Variants in GALNT8 observed in about 807,000 individuals in gnomAD.
The protein encoded by GALNT8 is probable polypeptide N-acetylgalactosaminyltransferase 8.
A neutral mutation model predicts 62.7 loss-of-function variants in GALNT8; 66 were observed. The observed-to-expected ratio is 1.05, with a 90% CI of 0.86 to 1.29. The LOEUF is 1.29. Among genes scored for constraint, GALNT8 ranks in the 50% most tolerant of loss-of-function variants. GALNT8 has a pLI of 0.00. For missense variants in GALNT8, 771 were observed against 791.8 expected (o/e 0.97, Z 0.32); for synonymous variants, 288 against 294.3 (o/e 0.98, Z 0.22).
chr12:4,752,424 A>C lies in GALNT8; in HGVS notation c.1173+6166A>C, dbSNP rs147248915. On this transcript the variant is annotated intron_variant, in intron 6 of 10. Coordinates refer to ENST00000252318, the MANE Select transcript of GALNT8 (RefSeq NM_017417.2). Reference sequence around the variant, plus strand: ...TTTTATTTTTTTGTGTATCTGTTGTATGTTTTTTGGTTTGGGGTTTTCATG... The same window carrying C: ...TTTTATTTTTTTGTGTATCTGTTGTCTGTTTTTTGGTTTGGGGTTTTCATG... 9.9e-3 allele frequency among the ~76,000 whole-genome samples: 1,458 copies of C among 147,544 alleles called. 21 individuals carry two copies. Among genetic ancestry groups the C allele is most frequent in the African/African-American group, 0.033 (1,342 of 40,180 alleles).
chr12:4,729,291 T>C (rs1946210602), intron 2 of GALNT8, among the ~76,000 whole-genome samples: 1 of 152,218 alleles, frequency 6.6e-6, no homozygotes, highest in African/African-American at 2.4e-5. Flanking sequence ...ACTTAACATC[T>C]AGTCTCTTAG....
intron 6 of GALNT8, among the ~76,000 whole-genome samples, chr12:4,759,754 G>A (rs183204015): frequency 1.4e-3 from 217 of 152,216 alleles, no homozygotes; most frequent in African/African-American, 5.0e-3. Context: ...TGGCATGAGC[G>A]TGGTAGGTTG....
At chr12:4,739,741 T>A (rs905471744) in intron 3 of GALNT8, among the ~76,000 whole-genome samples, 2 of 150,834 alleles carry the variant, frequency 1.3e-5, no homozygotes, top group African/African-American at 4.9e-5. Flanking sequence ...CTCGGCTCAC[T>A]GCAAGCTCTG....
intron 3 of GALNT8, among the ~76,000 whole-genome samples, chr12:4,744,143 G>C (rs908001102): frequency 6.6e-6 from 1 of 152,204 alleles, no homozygotes; most frequent in African/African-American, 2.4e-5. Flanking sequence ...TAGCTATGAA[G>C]ATGTTCCAGG....
intron 6 of GALNT8, among the ~76,000 whole-genome samples, chr12:4,754,615 G>C (rs987330147): frequency 3.9e-5 from 6 of 152,074 alleles, no homozygotes; most frequent in Non-Finnish European, 5.9e-5. Flanking sequence ...CTGGCCCAGA[G>C]CAGGTCCAGA....
intron 6 of GALNT8, among the ~76,000 whole-genome samples, chr12:4,753,879 T>C (rs1946332762): frequency 6.6e-6 from 1 of 152,226 alleles, no homozygotes; most frequent in Non-Finnish European, 1.5e-5. Flanking sequence ...TGGTCTAAGC[T>C]GTACCTGCTT....
intron 6 of GALNT8, 40 bp downstream of exon 6, chr12:4,746,298 AG>A (rs1565385918): frequency 8.9e-7 from 1 of 1,121,136 alleles, no homozygotes; most frequent in East Asian, 2.3e-5. Context: ...CAAAGCAGAA[AG>A]GGGAATAATA....
chr12:4,724,763 G>A (rs1274371910), intron 1 of GALNT8, among the ~76,000 whole-genome samples: 1 of 152,150 alleles, frequency 6.6e-6, no homozygotes, highest in Non-Finnish European at 1.5e-5. Context: ...CACTTGAAGA[G>A]GTGATTCTCT....
At chr12:4,721,464 T>C (rs1356685529) in intron 1 of GALNT8, among the ~76,000 whole-genome samples, 1 of 151,998 alleles carries the variant, frequency 6.6e-6, no homozygotes, top group Admixed American at 6.5e-5. Flanking sequence ...AGGATAATAG[T>C]GGAGAGAAGG....
intron 6 of GALNT8, 80 bp downstream of exon 6, chr12:4,746,338 G>C (rs1377791198): frequency 1.5e-5 from 12 of 823,498 alleles, no homozygotes; most frequent in Non-Finnish European, 2.3e-5. Context: ...TGGAATCCTA[G>C]AACAAGGCTG....
chr12:4,724,505 C>T (rs191576551), intron 1 of GALNT8, among the ~76,000 whole-genome samples: 228 of 152,276 alleles, frequency 1.5e-3, no homozygotes, highest in African/African-American at 5.1e-3. Flanking sequence ...AATCAGATAT[C>T]CCCCCAAGGA....
At chr12:4,743,492 T>C (rs899298494) in intron 3 of GALNT8, among the ~76,000 whole-genome samples, 2 of 152,214 alleles carry the variant, frequency 1.3e-5, no homozygotes, top group Non-Finnish European at 2.9e-5. Flanking sequence ...CTCACAAATA[T>C]GCTCGTCTTT....
chr12:4,772,362 C>A, intron 10 of GALNT8, 83 bp from the exon 11 acceptor site: 1 of 1,246,354 alleles, frequency 8.0e-7, no homozygotes, highest in Non-Finnish European at 1.1e-6. Flanking sequence ...TGTGGCTGAG[C>A]ACAGCAGGGA....
chr12:4,726,405 A>G lies in GALNT8; in HGVS notation c.212-127A>G. The G allele has an allele frequency of 1.5e-6, 1 of 667,368 alleles. No individual in the cohort carries two copies. The highest frequency in any genetic ancestry group is 2.5e-6 in the Non-Finnish European group (1 of 393,932). 41.3% of individuals were successfully genotyped at this position (667,368 alleles called of 1,614,324 possible). On this transcript the variant is annotated intron_variant, in intron 1 of 10. Transcript: ENST00000252318. The surrounding 1 kb of genome is among the most constrained non-coding windows in gnomAD (Gnocchi z 4.1). ...CCTGACATACTACATCCTCTGTGAC[A>G]AGAGCTTATAAGTTTTAAGATGTAG...
intron 3 of GALNT8, 109 bp downstream of exon 3, chr12:4,739,438 G>A: frequency 1.3e-6 from 1 of 760,372 alleles, no homozygotes; most frequent in South Asian, 1.8e-5. Context: ...TTCTCATGTA[G>A]GGAAAATAAA....
chr12:4,731,557 G>A (rs914852061), intron 2 of GALNT8, among the ~76,000 whole-genome samples: 3 of 152,098 alleles, frequency 2.0e-5, no homozygotes, highest in Non-Finnish European at 4.4e-5. Flanking sequence ...TTCTTGTCTT[G>A]TTCCTGACCT....
At chr12:4,739,365 A>T (rs1714431987) in intron 3 of GALNT8, 36 bp downstream of exon 3, 1 of 1,561,832 alleles carries the variant, frequency 6.4e-7, no homozygotes, top group East Asian at 2.2e-5. Flanking sequence ...TGTAAAAATG[A>T]CCACTTATCA....
chr12:4,763,109 C>A, intron 7 of GALNT8, 144 bp from the exon 8 acceptor site: 1 of 657,226 alleles, frequency 1.5e-6, no homozygotes, highest in East Asian at 2.7e-5. Flanking sequence ...GGGTTTCAAT[C>A]TTGTCTATCC....
intron 9 of GALNT8, 27 bp from the exon 10 acceptor site, chr12:4,765,352 C>CT (rs35971936): frequency 5.3e-3 from 5,337 of 1,009,288 alleles, no homozygotes; most frequent in South Asian, 0.013. Context: ...GAGCCCTCTG[C>CT]TTTTTTTTTT....
Sources: allele counts gnomAD v4.1 joint callset (sites outside exome capture counted in the v4.1 genomes callset), GRCh38; gene constraint gnomAD v4.1.1; non-coding constraint Gnocchi (gnomAD v3.1); transcripts MANE v1.5; gene names NCBI Gene and HGNC (gene_info 2026-07-23, HGNC 2026-07-21).